C3orf20: variants seen among roughly 807,000 people sequenced by gnomAD.
The protein encoded by C3orf20 is family with sequence similarity 149 member C, also known as uncharacterized protein C3orf20.
In C3orf20, 76 loss-of-function variants were observed where a neutral mutation model predicts 88.3. The observed-to-expected ratio is 0.86, with a 90% CI of 0.72 to 1.04. The LOEUF (loss-of-function observed/expected upper bound fraction) is 1.04, where lower values mean the gene tolerates loss of function less well. C3orf20 is among the 50% of genes least tolerant of loss of function. The pLI is 0.00. For missense variants in C3orf20, 1,056 were observed against 1,123.3 expected (o/e 0.94, Z 0.86); for synonymous variants, 436 against 437.4 (o/e 1.00, Z 0.04).
chr3:14,730,460 T>A (rs2034503906), intron 12 of C3orf20, among the ~76,000 whole-genome samples: 1 of 152,030 alleles, frequency 6.6e-6, no homozygotes, highest in South Asian at 2.1e-4. Flanking sequence ...GGCAGGAGAA[T>A]GGCGTGAACC....
Position 14,675,783 on chromosome 3 carries a change from C to T in C3orf20, c.-299+531C>T, listed in dbSNP as rs183169816. The stretch of plus-strand genomic sequence containing the variant: ...GTGGCTCACTGCAACCTCCACTCCC[C>T]GGGTTCAAGTGATTCTCCTGCCTCA... On this transcript the variant is annotated intron_variant, in intron 1 of 16. Transcript: ENST00000253697. Among the ~76,000 whole-genome samples, 161 of 152,208 alleles carry T rather than the reference C, an allele frequency of 1.1e-3. 1 individual carries two copies. The highest frequency in any genetic ancestry group is 3.7e-3 in the African/African-American group (153 of 41,510).
intron 3 of C3orf20, 97 bp downstream of exon 3, chr3:14,683,294 T>A (rs1296276293): frequency 6.9e-7 from 1 of 1,445,428 alleles, no homozygotes; most frequent in Non-Finnish European, 9.2e-7. Context: ...GTGGGTCTGC[T>A]GTAGGAATTG....
chr3:14,677,417 T>C (rs1241559181), intron 1 of C3orf20, among the ~76,000 whole-genome samples: 2 of 152,194 alleles, frequency 1.3e-5, no homozygotes, highest in African/African-American at 4.8e-5. Flanking sequence ...TTTTGCACCA[T>C]CATGTACCCC....
At chr3:14,705,888 G>A (rs952206319) in intron 7 of C3orf20, among the ~76,000 whole-genome samples, 5 of 152,192 alleles carry the variant, frequency 3.3e-5, no homozygotes, top group African/African-American at 1.2e-4. Context: ...GCCAAGCTAG[G>A]CCTTGGTTCA....
At chr3:14,710,935 C>T (rs1438168788) in intron 7 of C3orf20, among the ~76,000 whole-genome samples, 3 of 151,612 alleles carry the variant, frequency 2.0e-5, no homozygotes, top group African/African-American at 7.3e-5. Context: ...ACTGTGTCAC[C>T]CAGACTGGGG....
chr3:14,757,678 G>A lies in C3orf20; in HGVS notation c.2244+4G>A, dbSNP rs1210390882. On this transcript the variant is annotated splice_donor_region_variant and intron_variant, in intron 13 of 16. Transcript: ENST00000253697. ...CCGTGGCTCCCCCTGCATCCAGGTT[G>A]GTCTGGGCCCAGTGAGGAGGCCCTG... is the stretch of plus-strand genomic sequence containing the variant. The A allele has an allele frequency of 1.9e-6, 3 of 1,607,256 alleles. No individual in the cohort carries two copies. The highest frequency in any genetic ancestry group is 2.6e-6 in the Non-Finnish European group (3 of 1,175,580).
rs374028577 is a variant in C3orf20 at position 14,761,364 on chromosome 3, A to G, written c.2353-109A>G. The G allele has an allele frequency of 6.2e-5, 81 of 1,308,118 alleles. No individual in the cohort carries two copies. In the East Asian group the frequency reaches 1.5e-3, roughly 24 times the overall value. 81.0% of individuals were successfully genotyped at this position (1,308,118 alleles called of 1,614,324 possible). ...GGCCTGCCTCACGGCGTAAGCTCTG[A>G]GAGGCCTGTGGCGCTGTTCTAGTGA... On this transcript the variant is annotated intron_variant, in intron 14 of 16. Transcript: ENST00000253697.
chr3:14,745,314 T>C (rs1281792157), intron 12 of C3orf20, among the ~76,000 whole-genome samples: 2 of 152,194 alleles, frequency 1.3e-5, no homozygotes, highest in Non-Finnish European at 2.9e-5. Flanking sequence ...TGCTCCTCTT[T>C]CCCTCTGATC....
At chr3:14,708,383 G>A (rs1240988657) in intron 7 of C3orf20, among the ~76,000 whole-genome samples, 2 of 151,874 alleles carry the variant, frequency 1.3e-5, no homozygotes, top group African/African-American at 2.4e-5. Context: ...CCATTAACAC[G>A]TATGTCTGTC....
intron 1 of C3orf20, among the ~76,000 whole-genome samples, chr3:14,677,530 C>A (rs1282442259): frequency 6.6e-6 from 1 of 151,904 alleles, no homozygotes; most frequent in Non-Finnish European, 1.5e-5. Flanking sequence ...ACGGGAGTTT[C>A]GTTCCTGTTG....
In C3orf20 at chr3:14,729,676, G is replaced by T. The variant is rs1243400876; in HGVS notation, c.1940+988G>T. Among the ~76,000 whole-genome samples the T allele has an allele frequency of 2.6e-5, 4 of 152,060 alleles. No individual in the cohort carries two copies. In the South Asian group the frequency reaches 8.3e-4, roughly 32 times the overall value. On this transcript the variant is annotated intron_variant, in intron 12 of 16. Transcript: ENST00000253697. ...ATTCTCCTGCCTCAGCTTCCCTAGTGCTGGGACAACAGGCATGCACCACCA... is the reference window on the plus strand; with the variant it reads ...ATTCTCCTGCCTCAGCTTCCCTAGTTCTGGGACAACAGGCATGCACCACCA...
At chr3:14,715,210 C>G (rs1221369607) in intron 8 of C3orf20, 79 bp from the exon 9 acceptor site, 2 of 1,544,572 alleles carry the variant, frequency 1.3e-6, no homozygotes, top group South Asian at 1.3e-5. Context: ...TCTTACAGAC[C>G]TGTCTGCCCA....
intron 10 of C3orf20, among the ~76,000 whole-genome samples, chr3:14,723,386 C>T (rs1472897658): frequency 2.0e-5 from 3 of 152,246 alleles, no homozygotes; most frequent in Admixed American, 1.3e-4. Flanking sequence ...CAGCATTTCA[C>T]CTTCATTAAT....
At chr3:14,680,972 A>G (rs2032055736) in intron 1 of C3orf20, among the ~76,000 whole-genome samples, 1 of 152,264 alleles carries the variant, frequency 6.6e-6, no homozygotes, top group African/African-American at 2.4e-5. Context: ...CAGGAGGTCA[A>G]CAAATAGGCG....
At chr3:14,688,500 C>G (rs1198746802) in intron 4 of C3orf20, among the ~76,000 whole-genome samples, 2 of 142,842 alleles carry the variant, frequency 1.4e-5, no homozygotes, top group African/African-American at 5.2e-5. Context: ...CCACTGCACT[C>G]CAGCCTGGAT....
At position 14,757,430 on chromosome 3, in the gene C3orf20, C is replaced by T. The variant is rs1318662538; in HGVS notation, c.2000C>T (p.Pro667Leu). Reference sequence around the variant, plus strand: ...TGGGCGGCCTTGCCCTCAGACTGCCCGCTGGTGCTGCGGAAGCTCATGCTC... The same window carrying T: ...TGGGCGGCCTTGCCCTCAGACTGCCTGCTGGTGCTGCGGAAGCTCATGCTC... ...TRWAALPSDC[P>L]LVLRKLMLKE... is the part of the protein sequence containing the mutation. Residue 667 changes from proline to leucine, a missense_variant, in exon 13 of 17, where the codon CCG (proline) becomes CTG (leucine). Transcript: ENST00000253697. 15 of 1,612,086 alleles carry T rather than the reference C, an allele frequency of 9.3e-6. No individual in the cohort carries two copies. The highest frequency in any genetic ancestry group is 2.2e-5 in the South Asian group (2 of 91,006).
chr3:14,680,561 T>G (rs1029178623), intron 1 of C3orf20, among the ~76,000 whole-genome samples: 11 of 152,142 alleles, frequency 7.2e-5, no homozygotes, highest in Non-Finnish European at 1.2e-4. Context: ...GTTCTAAAAT[T>G]TGATAGTAAT....
In C3orf20 at chr3:14,722,917, A is replaced by G. The variant is rs892602836; in HGVS notation, c.1566+1133A>G. On this transcript the variant is annotated intron_variant, in intron 10 of 16. Coordinates refer to ENST00000253697, the MANE Select transcript of C3orf20 (RefSeq NM_032137.5). ...CTGAGTGTATATCCCAAAAGAGAAC[A>G]CTTGACCTCAACACAAGATGGGGTA... 2.0e-5 allele frequency among the ~76,000 whole-genome samples: 3 copies of G among 152,302 alleles called. No individual in the cohort carries two copies. In the East Asian group the frequency reaches 5.8e-4, roughly 29 times the overall value.
At chr3:14,724,050 C>T (rs1190228775) in intron 10 of C3orf20, among the ~76,000 whole-genome samples, 1 of 152,038 alleles carries the variant, frequency 6.6e-6, no homozygotes, top group Non-Finnish European at 1.5e-5. Flanking sequence ...AACTCCTGAC[C>T]TTAGATGACC....
Sources: gnomAD v4.1 joint callset for allele counts (sites outside exome capture counted in the v4.1 genomes callset) on GRCh38, gnomAD v4.1.1 for gene constraint, MANE v1.5 for transcripts, NCBI Gene and HGNC (gene_info 2026-07-23, HGNC 2026-07-21) for gene names.